Variants in MYCBP2 observed in about 807,000 individuals in gnomAD.
MYCBP2 encodes the protein E3 ubiquitin-protein ligase MYCBP2.
A neutral mutation model predicts 525.3 loss-of-function variants in MYCBP2; 120 were observed. The observed-to-expected ratio is 0.23, with a 90% CI of 0.20 to 0.27. The LOEUF is 0.27. Among genes scored for constraint, MYCBP2 ranks in the 10% least tolerant of loss-of-function variants. The probability of loss-of-function intolerance (pLI) is 1.00; values close to 1 mark genes in which losing one functional copy is unlikely to be tolerated. For synonymous variants in MYCBP2, 1,894 were observed against 1,955.8 expected (o/e 0.97, Z 0.83); for missense variants, 4,149 against 5,657.1 (o/e 0.73, Z 8.55).
chr13:77,139,116 T>C (rs534641880), intron 52 of MYCBP2, 80 bp downstream of exon 52: 21 of 1,461,688 alleles, frequency 1.4e-5, no homozygotes, highest in Admixed American at 1.3e-4. Context: ...ACCTCAGAAC[T>C]GAAAAGCCTT....
chr13:77,120,364 TA>T (rs2050480131), intron 55 of MYCBP2, among the ~76,000 whole-genome samples: 1 of 152,200 alleles, frequency 6.6e-6, no homozygotes, highest in South Asian at 2.1e-4. Context: ...GTTTCCTTCA[TA>T]AAAATACTTT....
intron 56 of MYCBP2, 47 bp downstream of exon 56, chr13:77,097,323 C>G (rs1255319955): frequency 6.5e-7 from 1 of 1,535,562 alleles, no homozygotes; most frequent in East Asian, 2.3e-5. Context: ...TGATCTGGTT[C>G]ATTAAAGAAA....
chr13:77,205,840 T>A (rs1302364801), intron 24 of MYCBP2, among the ~76,000 whole-genome samples: 1 of 152,176 alleles, frequency 6.6e-6, no homozygotes, highest in African/African-American at 2.4e-5. Flanking sequence ...TCTGAAAAGT[T>A]GAAATCACTT....
chr13:77,291,366 G>T (rs1042820117), intron 2 of MYCBP2, among the ~76,000 whole-genome samples: 4 of 152,156 alleles, frequency 2.6e-5, no homozygotes, highest in Admixed American at 6.5e-5. Context: ...TTTAAAAAGC[G>T]AATACCATAT....
intron 18 of MYCBP2, 135 bp downstream of exon 18, chr13:77,233,021 T>A: frequency 1.6e-6 from 1 of 630,568 alleles, no homozygotes; most frequent in South Asian, 2.9e-5. Context: ...TTCAGAATGT[T>A]CTTTCTCCTC....
intron 26 of MYCBP2, 51 bp from the exon 27 acceptor site, chr13:77,194,295 G>A (rs1407315168): frequency 1.5e-6 from 2 of 1,313,458 alleles, no homozygotes; most frequent in South Asian, 2.4e-5. Flanking sequence ...ATACATATCT[G>A]ATGAACAATG....
chr13:77,273,494 C>T lies in MYCBP2; in HGVS notation c.923G>A (p.Ser308Asn). 1 of 1,591,486 alleles carries T rather than the reference C, an allele frequency of 6.3e-7. No individual in the cohort carries two copies. Among genetic ancestry groups the T allele is most frequent in the Non-Finnish European group, 8.5e-7 (1 of 1,173,696 alleles). The change falls in exon 5 of 83, where the codon AGC (serine) becomes AAC (asparagine). Residue 308 changes from serine to asparagine, a missense_variant. Physicochemically the swap from Ser to Asn is conservative, Grantham distance 46. Coordinates refer to ENST00000544440, the MANE Select transcript of MYCBP2 (RefSeq NM_015057.5). ...AISAILTNNG[S>N]HACQTIQVPT... ...TACCTGAATAGTTTGGCAAGCATGG[C>T]TTCCATTGTTGGTGAGGATAGCAGA... is the stretch of plus-strand genomic sequence containing the variant.
intron 2 of MYCBP2, among the ~76,000 whole-genome samples, chr13:77,294,131 C>CATGTATATATATATATATATATATATAT (rs1555465827): frequency 1.5e-5 from 1 of 65,692 alleles, no homozygotes; most frequent in Non-Finnish European, 3.0e-5. Flanking sequence ...TATATATATA[C>CATGTATATATATATATATATATATATAT]ATATATATAT....
At chr13:77,078,601 G>A (rs1310852648) in intron 66 of MYCBP2, among the ~76,000 whole-genome samples, 1 of 152,146 alleles carries the variant, frequency 6.6e-6, no homozygotes, top group Non-Finnish European at 1.5e-5. Context: ...CAATATAATT[G>A]CTCATGACTG....
intron 26 of MYCBP2, among the ~76,000 whole-genome samples, chr13:77,203,824 G>T (rs1233338680): frequency 2.6e-5 from 4 of 151,872 alleles, no homozygotes; most frequent in South Asian, 2.1e-4. Flanking sequence ...AAATGGTGCT[G>T]GGAAAACTGG....
chr13:77,092,428 C>CT (rs1461452528), intron 59 of MYCBP2: 2 of 151,980 alleles, frequency 1.3e-5, no homozygotes, highest in African/African-American at 4.8e-5. Context: ...CATTCGTCCT[C>CT]TAAAAAAGTT....
At chr13:77,143,788 T>C (rs560264899) in intron 49 of MYCBP2, among the ~76,000 whole-genome samples, 11 of 152,030 alleles carry the variant, frequency 7.2e-5, no homozygotes, top group African/African-American at 2.2e-4. Context: ...GTACAGCCTA[T>C]TGGTCTTAGG....
At chr13:77,087,705 C>T in intron 61 of MYCBP2, 72 bp from the exon 62 acceptor site, 3 of 1,297,048 alleles carry the variant, frequency 2.3e-6, no homozygotes, top group Non-Finnish European at 1.1e-6. Flanking sequence ...AAATAAAGTA[C>T]CTCCATGGAT....
intron 4 of MYCBP2, among the ~76,000 whole-genome samples, chr13:77,274,368 C>T (rs549472612): frequency 6.6e-6 from 1 of 152,162 alleles, no homozygotes; most frequent in African/African-American, 2.4e-5. Context: ...AATCAACAGA[C>T]ATCTGGGTAT....
intron 26 of MYCBP2, among the ~76,000 whole-genome samples, chr13:77,199,941 A>G (rs891698944): frequency 2.0e-5 from 3 of 152,216 alleles, no homozygotes; most frequent in African/African-American, 7.2e-5. Flanking sequence ...AAAGATGGGG[A>G]AAAAACAGAG....
chr13:77,064,810 C>A, intron 72 of MYCBP2, 76 bp from the exon 73 acceptor site: 1 of 1,312,454 alleles, frequency 7.6e-7, no homozygotes, highest in Non-Finnish European at 1.0e-6. Flanking sequence ...TCTTAAATAA[C>A]ATCTCCTATC....
rs2082380533 is a variant in MYCBP2 at position 77,326,841 on chromosome 13, A to G, written c.-66T>C. On this transcript the variant is annotated 5_prime_UTR_variant, in exon 1 of 83. Coordinates refer to ENST00000544440, the MANE Select transcript of MYCBP2 (RefSeq NM_015057.5). The surrounding 1 kb of genome is among the most constrained non-coding windows in gnomAD (Gnocchi z 4.2). ...GCCGGGCGGGCAGACACGCGCGCGC[A>G]CACACAGCCCTTTTCCAACGACGAC... The G allele has an allele frequency of 3.0e-6, 4 of 1,352,490 alleles. No individual in the cohort carries two copies. The highest frequency in any genetic ancestry group is 3.1e-5 in the African/African-American group (2 of 64,452). The allele number at this position is 1,352,490 out of a possible 1,614,324, so 83.8% of individuals were successfully genotyped here. A position where few individuals can be genotyped will look rare whatever the true frequency, so the allele number is the denominator to read the frequency against.
intron 38 of MYCBP2, among the ~76,000 whole-genome samples, chr13:77,170,997 A>G (rs544135787): frequency 6.6e-6 from 1 of 152,344 alleles, no homozygotes; most frequent in African/African-American, 2.4e-5. Flanking sequence ...TTAAAAAATG[A>G]AATGTACTTG....
chr13:77,116,143 G>T (rs1938970571), intron 55 of MYCBP2, among the ~76,000 whole-genome samples: 1 of 151,870 alleles, frequency 6.6e-6, no homozygotes, highest in Non-Finnish European at 1.5e-5. Flanking sequence ...CTCAAATGAG[G>T]CTGTATCAAA....
Sources: allele counts gnomAD v4.1 joint callset (sites outside exome capture counted in the v4.1 genomes callset), GRCh38; gene constraint gnomAD v4.1.1; non-coding constraint Gnocchi (gnomAD v3.1); transcripts MANE v1.5; gene names NCBI Gene and HGNC (gene_info 2026-07-23, HGNC 2026-07-21).